Variants in OIP5 observed in about 807,000 individuals in gnomAD.
OIP5 encodes Opa interacting protein 5.
Under a neutral mutation model 20.3 loss-of-function variants are expected in OIP5, and 24 were observed. That is an observed-to-expected ratio of 1.18 (90% confidence interval 0.86 to 1.66). The LOEUF is 1.66. Among genes scored for constraint, OIP5 ranks in the 40% most tolerant of loss-of-function variants. The probability of loss-of-function intolerance (pLI) is 0.00; values close to 1 mark genes in which losing one functional copy is unlikely to be tolerated. For missense variants in OIP5, 339 were observed against 289.5 expected (o/e 1.17, Z -1.24); for synonymous variants, 143 against 121.3 (o/e 1.18, Z -1.17).
At chr15:41,332,045 C>T in intron 1 of OIP5, 64 bp from the exon 2 acceptor site, 1 of 1,495,176 alleles carries the variant, frequency 6.7e-7, no homozygotes. Context: ...AATCTCTCCT[C>T]TAGACAGACT....
At chr15:41,317,937 C>T (rs2047797954) in intron 3 of OIP5, among the ~76,000 whole-genome samples, 1 of 152,076 alleles carries the variant, frequency 6.6e-6, no homozygotes, top group Non-Finnish European at 1.5e-5. Context: ...ACTCAGCCTT[C>T]CAAAGTGCTG....
chr15:41,316,650 C>T (rs557010492), intron 3 of OIP5, among the ~76,000 whole-genome samples: 18 of 151,784 alleles, frequency 1.2e-4, no homozygotes, highest in East Asian at 5.8e-4. Flanking sequence ...ATTAGCCAAG[C>T]GTGGTGGTGG....
At chr15:41,329,445 A>C (rs1156996555) in intron 2 of OIP5, among the ~76,000 whole-genome samples, 3 of 150,468 alleles carry the variant, frequency 2.0e-5, no homozygotes, top group African/African-American at 7.3e-5. Context: ...CCTCCCAAGT[A>C]GCTGGGACTA....
At chr15:41,318,245 C>T (rs1161065571) in intron 3 of OIP5, among the ~76,000 whole-genome samples, 2 of 152,202 alleles carry the variant, frequency 1.3e-5, no homozygotes, top group African/African-American at 4.8e-5. Flanking sequence ...TCACTGCAAC[C>T]TCCGCCTCCT....
Position 41,332,405 on chromosome 15 carries a change from C to T in OIP5, c.157G>A (p.Ala53Thr), listed in dbSNP as rs779135230. 3 of 1,613,742 alleles carry T rather than the reference C, an allele frequency of 1.9e-6. No individual in the cohort carries two copies. In the African/African-American group the frequency reaches 4.0e-5, roughly 22 times the overall value. ...GCTGGCTCCTCAGCCCCCAGCCCTGCGGGGCCGAGCGGCGAGGACCCCTTC... is the reference window on the plus strand; with the variant it reads ...GCTGGCTCCTCAGCCCCCAGCCCTGTGGGGCCGAGCGGCGAGGACCCCTTC... ...VVKGSSPLGPAGLGAEEPAAG... is the reference protein window; with the variant it reads ...VVKGSSPLGPTGLGAEEPAAG... Residue 53 changes from alanine to threonine, a missense_variant, in exon 1 of 5, where the codon GCA becomes ACA. Coordinates refer to ENST00000220514, the MANE Select transcript of OIP5 (RefSeq NM_007280.2).
intron 3 of OIP5, among the ~76,000 whole-genome samples, chr15:41,319,444 T>C (rs28377562): frequency 0.28 from 42,373 of 151,758 alleles, 6,277 homozygotes; most frequent in African/African-American, 0.36. Context: ...TTCGTAGAGA[T>C]GGGTTTCACC....
rs758310490 is a variant in OIP5 at position 41,313,352 on chromosome 15, T to A, written c.515A>T (p.Tyr172Phe). Residue 172 changes from tyrosine to phenylalanine, a missense_variant and splice_region_variant, in exon 4 of 5, where the codon TAT becomes TTT. By Grantham distance (22) the Tyr-to-Phe change is conservative (BLOSUM62 3). Coordinates refer to ENST00000220514, the MANE Select transcript of OIP5 (RefSeq NM_007280.2). ...TACTATGGCTTTTGTTTTTAAGAGA[T>A]AGCTAGATAGGAAAAAAGAAAAATA... is the stretch of plus-strand genomic sequence containing the variant. The part of the protein sequence containing the change: ...FCLSSDKMVC[Y>F]LLKTKAIVNA... 1 of 1,567,576 alleles carries A rather than the reference T, an allele frequency of 6.4e-7. No individual in the cohort carries two copies. Among genetic ancestry groups the A allele is most frequent in the Non-Finnish European group, 8.7e-7 (1 of 1,144,520 alleles).
intron 4 of OIP5, 123 bp downstream of exon 4, chr15:41,313,150 G>A (rs1162750462): frequency 1.5e-6 from 1 of 678,090 alleles, no homozygotes; most frequent in Non-Finnish European, 2.6e-6. Flanking sequence ...CAATAGGGAA[G>A]GTCAAATCAA....
At position 41,311,876 on chromosome 15, in the gene OIP5, C is replaced by CA. The variant is rs2047756862; in HGVS notation, c.594+1396_594+1397insT. On this transcript the variant is annotated intron_variant, in intron 4 of 4. Coordinates refer to ENST00000220514, the MANE Select transcript of OIP5 (RefSeq NM_007280.2). Reference sequence around the variant, plus strand: ...CCACCGCACCCAGCCAATAAGAATTCTTTTTTTTTTTTTCCACACAGAGTT... The same window carrying CA: ...CCACCGCACCCAGCCAATAAGAATTCATTTTTTTTTTTTTCCACACAGAGTT... Among the ~76,000 whole-genome samples the CA allele has an allele frequency of 1.5e-5, 2 of 135,810 alleles. 1 individual carries two copies. Among genetic ancestry groups the CA allele is most frequent in the Non-Finnish European group, 3.3e-5 (2 of 60,234 alleles). The allele number at this position is 135,810 out of a possible 152,430, so 89.1% of individuals were successfully genotyped here. A position where few individuals can be genotyped will look rare whatever the true frequency, so the allele number is the denominator to read the frequency against.
chr15:41,321,317 G>C (rs900735717), intron 2 of OIP5, among the ~76,000 whole-genome samples: 5 of 148,332 alleles, frequency 3.4e-5, no homozygotes, highest in African/African-American at 1.0e-4. Flanking sequence ...TCAGCCCCCC[G>C]CCCGGCCAGC....
In OIP5 at chr15:41,325,460, G is replaced by T. The variant is rs1016471691; in HGVS notation, c.390-5680C>A. ...GCCAGAATTACCAACATGTGACACAGAGACACAAAGTGAGCACATGCTGTT... is the reference window on the plus strand; with the variant it reads ...GCCAGAATTACCAACATGTGACACATAGACACAAAGTGAGCACATGCTGTT... On this transcript the variant is annotated intron_variant, in intron 2 of 4. Transcript: ENST00000220514. Among the ~76,000 whole-genome samples the T allele has an allele frequency of 3.3e-5, 5 of 151,650 alleles. No individual in the cohort carries two copies. In the South Asian group the frequency reaches 1.0e-3, roughly 32 times the overall value.
chr15:41,309,741 C>A lies in OIP5; in HGVS notation c.*13G>T, dbSNP rs1171765451. On this transcript the variant is annotated 3_prime_UTR_variant, in exon 5 of 5. Transcript: ENST00000220514. ...ATAAAGCCTGAACCTGACACTCAAG[C>A]TTTGGTACAGGATCAGTTTTCTGGC... The A allele has an allele frequency of 6.3e-7, 1 of 1,581,104 alleles. No individual in the cohort carries two copies.
intron 2 of OIP5, among the ~76,000 whole-genome samples, chr15:41,326,874 GAATAT>G (rs2047865234): frequency 6.6e-6 from 1 of 152,118 alleles, no homozygotes. Context: ...GGGCACTGGA[GAATAT>G]TATAGGAGGA....
At chr15:41,314,978 G>T (rs2047780563) in intron 3 of OIP5, among the ~76,000 whole-genome samples, 1 of 151,652 alleles carries the variant, frequency 6.6e-6, no homozygotes, top group South Asian at 2.1e-4. Context: ...GCCAGATGTG[G>T]TGGCATGCCT....
chr15:41,328,701 A>G (rs1414435105), intron 2 of OIP5, among the ~76,000 whole-genome samples: 11 of 152,108 alleles, frequency 7.2e-5, no homozygotes, highest in Admixed American at 7.2e-4. Context: ...CGGAGGGAGT[A>G]TATTTTAGGA....
intron 2 of OIP5, among the ~76,000 whole-genome samples, chr15:41,325,954 G>T (rs1306923892): frequency 6.6e-6 from 1 of 152,028 alleles, no homozygotes; most frequent in Admixed American, 6.6e-5. Context: ...TTGAGGTCAG[G>T]AGTTCAGGAC....
At chr15:41,319,849 C>T in intron 2 of OIP5, 69 bp from the exon 3 acceptor site, 2 of 1,348,936 alleles carry the variant, frequency 1.5e-6, no homozygotes, top group Non-Finnish European at 2.0e-6. Flanking sequence ...AATAACTAGT[C>T]TCTGAAGCAT....
intron 2 of OIP5, among the ~76,000 whole-genome samples, chr15:41,328,691 C>T (rs903443779): frequency 3.3e-5 from 5 of 151,928 alleles, no homozygotes; most frequent in Admixed American, 6.6e-5. Context: ...AAATAAATGT[C>T]GGAGGGAGTA....
At chr15:41,329,698 T>C (rs1380379765) in intron 2 of OIP5, among the ~76,000 whole-genome samples, 1 of 151,878 alleles carries the variant, frequency 6.6e-6, no homozygotes, top group Non-Finnish European at 1.5e-5. Context: ...TTAAATTTTC[T>C]ATTCATTTTG....
Sources: allele counts gnomAD v4.1 joint callset (sites outside exome capture counted in the v4.1 genomes callset), GRCh38; gene constraint gnomAD v4.1.1; transcripts MANE v1.5; gene names NCBI Gene and HGNC (gene_info 2026-07-23, HGNC 2026-07-21).